Variants in FAM53A observed in about 807,000 individuals in gnomAD.
The protein encoded by FAM53A is family with sequence similarity 53 member A.
In FAM53A, 28 loss-of-function variants were observed where a neutral mutation model predicts 26.6. The observed-to-expected ratio is 1.05, with a 90% CI of 0.78 to 1.45. FAM53A has a LOEUF of 1.45. Among genes scored for constraint, FAM53A ranks in the 40% most tolerant of loss-of-function variants. The pLI, the probability that FAM53A is intolerant of heterozygous loss-of-function variation, is 0.00. For missense variants in FAM53A, 650 were observed against 575.8 expected (o/e 1.13, Z -1.32); for synonymous variants, 290 against 253.1 (o/e 1.15, Z -1.38).
At position 1,644,085 on chromosome 4, in the gene FAM53A, C is replaced by G. The variant is rs1712009017; in HGVS notation, c.883-2478G>C. 8.3e-6 allele frequency: 12 copies of G among 1,439,270 alleles called. No individual in the cohort carries two copies. The Admixed American group carries it at 2.2e-4, about 26-fold the overall frequency. The allele number at this position is 1,439,270 out of a possible 1,614,324, so 89.2% of individuals were successfully genotyped here. On this transcript the variant is annotated intron_variant, in intron 4 of 4. Coordinates refer to ENST00000308132, the MANE Select transcript of FAM53A (RefSeq NM_001174070.3). ...AGCTCGGTCTGGTGTCACCCGTGAC[C>G]TTGCAGACTCTGGCTGCCGTGCTGC...
intron 2 of FAM53A, among the ~76,000 whole-genome samples, chr4:1,663,394 C>T (rs1382725092): frequency 2.6e-5 from 4 of 152,162 alleles, no homozygotes; most frequent in Non-Finnish European, 5.9e-5. Context: ...ATGAAACTTC[C>T]ACACAGAAAC....
At chr4:1,636,379 C>T (rs1017571358), downstream of FAM53A, among the ~76,000 whole-genome samples, 12 of 152,216 alleles carry the variant, frequency 7.9e-5, no homozygotes, top group African/African-American at 2.7e-4. Context: ...ATTACGAGAC[C>T]TCTGCCTAGG....
chr4:1,680,049 G>A (rs1380512428), intron 1 of FAM53A, among the ~76,000 whole-genome samples: 4 of 144,506 alleles, frequency 2.8e-5, no homozygotes, highest in South Asian at 2.2e-4. Context: ...GTCCGGGCAC[G>A]GTGGCTCACA....
intron 1 of FAM53A, among the ~76,000 whole-genome samples, chr4:1,627,383 G>A (rs959993360): frequency 2.6e-5 from 4 of 152,190 alleles, no homozygotes; most frequent in African/African-American, 9.6e-5. Flanking sequence ...ACTGCCGACT[G>A]ACGGATACAC....
intron 1 of FAM53A, among the ~76,000 whole-genome samples, chr4:1,629,379 G>A (rs755210574): frequency 6.6e-5 from 10 of 152,328 alleles, no homozygotes; most frequent in East Asian, 3.9e-4. Flanking sequence ...AGCTGGGCCC[G>A]CCAGGGAAAG....
At chr4:1,623,416 C>T (rs559117601) in intron 1 of FAM53A, among the ~76,000 whole-genome samples, 5 of 152,064 alleles carry the variant, frequency 3.3e-5, no homozygotes, top group East Asian at 1.9e-4. Context: ...GGGATGGCAG[C>T]TGTGAGGCTT....
intron 2 of FAM53A, among the ~76,000 whole-genome samples, chr4:1,662,358 A>T (rs1713897418): frequency 1.3e-5 from 2 of 151,928 alleles, no homozygotes; most frequent in Admixed American, 1.3e-4. Context: ...GGATGCCTGT[A>T]ATCCCAGCTA....
intron 4 of FAM53A, 55 bp downstream of exon 4, chr4:1,654,923 A>ACCGC (rs1276338255): frequency 6.8e-7 from 1 of 1,471,050 alleles, no homozygotes; most frequent in African/African-American, 1.5e-5. Context: ...TCACCCCAGC[A>ACCGC]CCGCCCTGTC....
Position 1,626,279 on chromosome 4 carries a change from T to C in FAM53A, c.432-8168A>G, listed in dbSNP as rs562640251. The stretch of plus-strand genomic sequence containing the variant: ...CAAGTGACTACAGCTGCATGGAGCA[T>C]GAACAGACGGTGGCCGTCACGAGCC... On this transcript the variant is annotated intron_variant, in intron 1 of 1. Coordinates refer to the FAM53A transcript ENST00000489029. Among the ~76,000 whole-genome samples, 12 of 152,282 alleles carry C rather than the reference T, an allele frequency of 7.9e-5. No individual in the cohort carries two copies. In the South Asian group the frequency reaches 1.2e-3, roughly 16 times the overall value.
intron 1 of FAM53A, among the ~76,000 whole-genome samples, chr4:1,627,724 G>A (rs988984732): frequency 6.6e-6 from 1 of 152,128 alleles, no homozygotes; most frequent in Non-Finnish European, 1.5e-5. Context: ...AGGGCCAGAG[G>A]GTCCCACTCC....
chr4:1,635,291 T>C (rs1031756983), downstream of FAM53A, among the ~76,000 whole-genome samples: 1 of 152,168 alleles, frequency 6.6e-6, no homozygotes, highest in Non-Finnish European at 1.5e-5. Flanking sequence ...TTTGTTTTTT[T>C]GAGACAGGGT....
chr4:1,596,800 A>C, the FAM53A span, among the ~76,000 whole-genome samples: 1 of 152,080 alleles, frequency 6.6e-6, no homozygotes, highest in African/African-American at 2.4e-5. Flanking sequence ...ACAGAGACAG[A>C]GACAAGGGGA....
the FAM53A span, among the ~76,000 whole-genome samples, chr4:1,601,303 C>A: frequency 3.7e-5 from 2 of 53,746 alleles, 1 homozygote; most frequent in Non-Finnish European, 1.1e-4. Context: ...CGGGGGCCCC[C>A]CGTACAGTGG....
At chr4:1,621,786 C>G (rs781324046) in intron 1 of FAM53A, among the ~76,000 whole-genome samples, 1 of 152,224 alleles carries the variant, frequency 6.6e-6, no homozygotes, top group Non-Finnish European at 1.5e-5. Context: ...ACGTCTGGCC[C>G]GTGCCGTCCC....
At chr4:1,636,140 C>A (rs1258305128), downstream of FAM53A, among the ~76,000 whole-genome samples, 3 of 152,188 alleles carry the variant, frequency 2.0e-5, no homozygotes, top group African/African-American at 7.2e-5. Context: ...AGCCGCCACG[C>A]CCGGCCATGA....
intron 1 of FAM53A, chr4:1,683,786 G>A (rs1471868633): frequency 6.6e-6 from 1 of 152,298 alleles, no homozygotes; most frequent in Non-Finnish European, 1.5e-5. Flanking sequence ...TCCGGCAGCA[G>A]CGGGCGGGCA....
chr4:1,640,577 T>G lies in FAM53A; in HGVS notation c.*716A>C, dbSNP rs1352645632. ...TGCAAAATGCTTCTTTAGGAAAAAC[T>G]GAATCAAAATTACGCCTTAATGTTC... On this transcript the variant is annotated 3_prime_UTR_variant, in exon 5 of 5. Coordinates refer to ENST00000308132, the MANE Select transcript of FAM53A (RefSeq NM_001174070.3). The G allele has an allele frequency of 2.9e-6, 1 of 343,906 alleles. No individual in the cohort carries two copies. The highest frequency in any genetic ancestry group is 2.3e-5 in the African/African-American group (1 of 43,626). The allele number at this position is 343,906 out of a possible 1,614,324, so 21.3% of individuals were successfully genotyped here.
At chr4:1,612,303 G>A in the FAM53A span, among the ~76,000 whole-genome samples, 2 of 152,304 alleles carry the variant, frequency 1.3e-5, no homozygotes, top group African/African-American at 2.4e-5. Flanking sequence ...TATCTGAAGT[G>A]CAGATTGCTG....
the FAM53A span, among the ~76,000 whole-genome samples, chr4:1,587,082 G>C: frequency 6.6e-6 from 1 of 152,234 alleles, no homozygotes; most frequent in African/African-American, 2.4e-5. Flanking sequence ...TTTTCAATCA[G>C]GTTATTTGTT....
Sources: gnomAD v4.1 joint callset for allele counts (sites outside exome capture counted in the v4.1 genomes callset) on GRCh38, gnomAD v4.1.1 for gene constraint, MANE v1.5 for transcripts, NCBI Gene and HGNC (gene_info 2026-07-23, HGNC 2026-07-21) for gene names.